Variants in IRAK3 observed in about 807,000 individuals in gnomAD.
IRAK3 encodes interleukin 1 receptor associated kinase 3, also known as interleukin-1 receptor-associated kinase 3.
Under a neutral mutation model 56.6 loss-of-function variants are expected in IRAK3, and 57 were observed. The ratio of observed to expected loss-of-function variants is 1.01; its 90% CI spans 0.81 to 1.26. IRAK3 has a LOEUF of 1.26. Ranked by LOEUF, IRAK3 falls within the 50% of genes most tolerant of loss-of-function variation. The pLI is 0.00. For synonymous variants in IRAK3, 258 were observed against 255.7 expected (o/e 1.01, Z -0.09); for missense variants, 703 against 719.0 (o/e 0.98, Z 0.25).
At chr12:66,217,099 A>G (rs2052684239) in intron 5 of IRAK3, 72 bp from the exon 6 acceptor site, 2 of 1,080,470 alleles carry the variant, frequency 1.9e-6, no homozygotes, top group Non-Finnish European at 2.9e-6. Context: ...TAGGGAGACT[A>G]TAGACCCTGG....
chr12:66,207,494 C>A (rs2052568876), intron 2 of IRAK3, among the ~76,000 whole-genome samples: 1 of 149,056 alleles, frequency 6.7e-6, no homozygotes, highest in South Asian at 2.1e-4. Flanking sequence ...CAAAAAACAG[C>A]AAACAAACAA....
chr12:66,212,934 G>A (rs556733678), intron 5 of IRAK3, among the ~76,000 whole-genome samples: 4 of 152,116 alleles, frequency 2.6e-5, no homozygotes, highest in Middle Eastern at 6.8e-3. Flanking sequence ...TAATGCATGC[G>A]GGTCTTAAAA....
At chr12:66,198,001 T>C in intron 1 of IRAK3, 1 of 985,276 alleles carries the variant, frequency 1.0e-6, no homozygotes, top group East Asian at 1.1e-4. Flanking sequence ...TAACTCTGGA[T>C]TTCCTTAATA....
chr12:66,210,611 A>C (rs534374591), intron 4 of IRAK3, among the ~76,000 whole-genome samples: 1 of 152,336 alleles, frequency 6.6e-6, no homozygotes, highest in Non-Finnish European at 1.5e-5. Context: ...AAATCTAGTT[A>C]TCTTCCATAT....
At chr12:66,247,388 G>A (rs11176098) in intron 11 of IRAK3, among the ~76,000 whole-genome samples, 1 of 152,290 alleles carries the variant, frequency 6.6e-6, no homozygotes, top group East Asian at 1.9e-4. Context: ...ACATATTATG[G>A]TTGAAGTAAA....
At chr12:66,234,936 C>T in intron 8 of IRAK3, 19 of 1,614,176 alleles carry the variant, frequency 1.2e-5, no homozygotes, top group Non-Finnish European at 1.5e-5. Context: ...AGGGCAGACA[C>T]AGCTTTTTGA....
rs2053083758 is a variant in IRAK3 at position 66,250,260 on chromosome 12, C to T, written c.*2089C>T. The T allele has an allele frequency of 6.6e-6, 1 of 152,134 alleles. No individual in the cohort carries two copies. Among genetic ancestry groups the T allele is most frequent in the Non-Finnish European group, 1.5e-5 (1 of 68,020 alleles). The allele number at this position is 152,134 out of a possible 1,614,324, so 9.4% of individuals were successfully genotyped here. A position where few individuals can be genotyped will look rare whatever the true frequency, so the allele number is the denominator to read the frequency against. On this transcript the variant is annotated 3_prime_UTR_variant, in exon 12 of 12. Transcript: ENST00000261233. ...GGTAAACCTCTAGTTTCTTGTCCAGCAGAGGAATAGGCTCATGTCTTTTGT... is the reference window on the plus strand; with the variant it reads ...GGTAAACCTCTAGTTTCTTGTCCAGTAGAGGAATAGGCTCATGTCTTTTGT...
intron 8 of IRAK3, chr12:66,234,898 C>G: frequency 6.2e-7 from 1 of 1,614,108 alleles, no homozygotes. Flanking sequence ...GTTGCTTTGC[C>G]ATTTGAGCTT....
chr12:66,249,884 G>T lies in IRAK3; in HGVS notation c.*1713G>T, dbSNP rs1221110088. On this transcript the variant is annotated 3_prime_UTR_variant, in exon 12 of 12. Coordinates refer to ENST00000261233, the MANE Select transcript of IRAK3 (RefSeq NM_007199.3). ...TCAGATCCTTAATTTAATTACACCT[G>T]CAAAGTCCGTTTTCTCGTGTAAAGT... is the stretch of plus-strand genomic sequence containing the variant. 6.6e-6 allele frequency: 1 copy of T among 152,086 alleles called. No homozygotes were observed. The highest frequency in any genetic ancestry group is 1.5e-5 in the Non-Finnish European group (1 of 68,014). The allele number at this position is 152,086 out of a possible 1,614,324, so 9.4% of individuals were successfully genotyped here.
Position 66,248,156 on chromosome 12 carries a change from G to A in IRAK3, c.1776G>A (p.Gln592=), listed in dbSNP as rs1376788272. Residue 592 remains glutamine, a synonymous_variant, in exon 12 of 12, where the codon CAG becomes CAA. Coordinates refer to ENST00000261233, the MANE Select transcript of IRAK3 (RefSeq NM_007199.3). ...AATTTTCCTGGGATGAATATGAACA[G>A]TACAAAAAAGAATAAATTCTACCAG... ...SSKFSWDEYE[Q]YKKE is the part of the protein sequence containing the mutation. 8 of 1,611,702 alleles carry A rather than the reference G, an allele frequency of 5.0e-6. No homozygotes were observed. The highest frequency in any genetic ancestry group is 6.8e-6 in the Non-Finnish European group (8 of 1,178,156).
intron 5 of IRAK3, among the ~76,000 whole-genome samples, chr12:66,216,571 G>A (rs985747871): frequency 1.3e-5 from 2 of 152,042 alleles, no homozygotes; most frequent in African/African-American, 4.8e-5. Flanking sequence ...GATATATGAA[G>A]GCATCAAGAA....
Position 66,251,095 on chromosome 12 carries a change from C to G in IRAK3, c.*2924C>G, listed in dbSNP as rs558348190. 1 of 152,308 alleles carries G rather than the reference C, an allele frequency of 6.6e-6. No homozygotes were observed. The highest frequency in any genetic ancestry group is 2.4e-5 in the African/African-American group (1 of 41,576). The allele number at this position is 152,308 out of a possible 1,614,324, so 9.4% of individuals were successfully genotyped here. On this transcript the variant is annotated 3_prime_UTR_variant, in exon 12 of 12. Coordinates refer to ENST00000261233, the MANE Select transcript of IRAK3 (RefSeq NM_007199.3). ...TGTTGGTTAGCACAGAGTGGGAGCT[C>G]TAGAAAGATTGTTGACCAATCATCT...
rs200823147 is a variant in IRAK3, at chr12:66,247,983, C to T, written c.1603C>T (p.Pro535Ser). The change falls in exon 12 of 12, where the codon CCC becomes TCC. Residue 535 changes from proline to serine, a missense_variant. Physicochemically the swap from Pro to Ser is moderately conservative, Grantham distance 74. Transcript: ENST00000261233. ...GAGAAATGAGGAAGCTTGCAACATG[C>T]CCAGTTCTTCTTGTGAAGAAAGTTG... ...SKRNEEACNM[P>S]SSSCEESWFP... The T allele has an allele frequency of 3.7e-6, 6 of 1,606,596 alleles. No homozygotes were observed. In the East Asian group the frequency reaches 1.3e-4, roughly 36 times the overall value.
At chr12:66,227,214 A>G (rs956226322) in intron 7 of IRAK3, among the ~76,000 whole-genome samples, 10 of 152,174 alleles carry the variant, frequency 6.6e-5, no homozygotes, top group Non-Finnish European at 1.2e-4. Context: ...GTATCCTTCA[A>G]TACAAAGGAT....
intron 2 of IRAK3, among the ~76,000 whole-genome samples, chr12:66,205,576 C>G (rs535026988): frequency 6.6e-6 from 1 of 152,130 alleles, no homozygotes; most frequent in African/African-American, 2.4e-5. Context: ...CAGGCGTTTC[C>G]TATCATAGCT....
At chr12:66,230,737 T>C (rs2052836579) in intron 8 of IRAK3, among the ~76,000 whole-genome samples, 2 of 152,132 alleles carry the variant, frequency 1.3e-5, no homozygotes, top group African/African-American at 2.4e-5. Flanking sequence ...GAGTGCACCA[T>C]GGCAGCCACC....
intron 2 of IRAK3, among the ~76,000 whole-genome samples, chr12:66,206,840 C>T (rs1322855615): frequency 2.6e-5 from 4 of 152,192 alleles, no homozygotes; most frequent in African/African-American, 4.8e-5. Flanking sequence ...ATCTAAGCCT[C>T]GGCTTTTCTT....
At chr12:66,236,609 C>T (rs1016731355) in intron 8 of IRAK3, among the ~76,000 whole-genome samples, 2 of 151,922 alleles carry the variant, frequency 1.3e-5, no homozygotes, top group Admixed American at 6.6e-5. Flanking sequence ...AGTTCAGACC[C>T]AGGTCTTTTT....
intron 5 of IRAK3, among the ~76,000 whole-genome samples, chr12:66,216,848 G>A (rs1327633179): frequency 6.6e-6 from 1 of 152,148 alleles, no homozygotes; most frequent in Non-Finnish European, 1.5e-5. Context: ...AAGTTGGGGA[G>A]GTTCTAGCTG....
Sources: allele counts gnomAD v4.1 joint callset (sites outside exome capture counted in the v4.1 genomes callset), GRCh38; gene constraint gnomAD v4.1.1; transcripts MANE v1.5; gene names NCBI Gene and HGNC (gene_info 2026-07-23, HGNC 2026-07-21).